The following RIPOR1 variants were observed in gnomAD, a reference collection of about 807,000 sequenced individuals.
RIPOR1 encodes rho family-interacting cell polarization regulator 1.
RIPOR1 carries 58 observed loss-of-function variants against 116.5 expected under a neutral mutation model. The observed-to-expected ratio is 0.50, with a 90% CI of 0.40 to 0.62. The LOEUF (loss-of-function observed/expected upper bound fraction) is 0.62. Among genes scored for constraint, RIPOR1 ranks in the 20% least tolerant of loss-of-function variants. The probability of loss-of-function intolerance (pLI) is 0.00; values close to 1 mark genes in which losing one functional copy is unlikely to be tolerated. For missense variants in RIPOR1, 1,372 were observed against 1,586.2 expected (o/e 0.86, Z 2.29); for synonymous variants, 605 against 650.0 (o/e 0.93, Z 1.05).
In RIPOR1 at chr16:67,544,841, T is replaced by C. The variant is rs2142612589; in HGVS notation, c.2869+11T>C. 1 of 1,590,506 alleles carries C rather than the reference T, an allele frequency of 6.3e-7. No individual in the cohort carries two copies. The highest frequency in any genetic ancestry group is 8.6e-7 in the Non-Finnish European group (1 of 1,164,266). On this transcript the variant is annotated intron_variant, in intron 16 of 21. Coordinates refer to ENST00000042381, the MANE Select transcript of RIPOR1 (RefSeq NM_024519.4). The surrounding 1 kb of genome is among the most constrained non-coding windows in gnomAD (Gnocchi z 5.1). Reference sequence around the variant, plus strand: ...GCTCTGCCCAGGAAGGTAAAGGCCCTGGGGGTTCGGGCTCTGCCATCTGCC... The same window carrying C: ...GCTCTGCCCAGGAAGGTAAAGGCCCCGGGGGTTCGGGCTCTGCCATCTGCC...
chr16:67,533,010 T>G (rs1597624047), intron 1 of RIPOR1, among the ~76,000 whole-genome samples: 1 of 149,976 alleles, frequency 6.7e-6, no homozygotes, highest in Non-Finnish European at 1.5e-5. Context: ...GCTATAGGGG[T>G]AGAGGTGAGG....
rs2051119847 is a variant in RIPOR1 at position 67,544,990 on chromosome 16, G to C, written c.2904G>C (p.Leu968=). 1 of 1,613,078 alleles carries C rather than the reference G, an allele frequency of 6.2e-7. No homozygotes were observed. The highest frequency in any genetic ancestry group is 1.7e-5 in the Admixed American group (1 of 59,998). Residue 968 remains leucine (L), a synonymous_variant, in exon 17 of 22, where the codon CTG becomes CTC. Transcript: ENST00000042381. This position sits in a 1 kb window ranked among gnomAD's most constrained non-coding sequence, Gnocchi z 5.1. The part of the protein sequence containing the change: ...VQFSASRPGF[L]TFWDQCTERL... ...TCTCGGCCTCTCGGCCTGGCTTCCT[G>C]ACCTTCTGGGACCAGTGCACAGAGA...
At position 67,545,304 on chromosome 16, in the gene RIPOR1, G is replaced by A; in HGVS notation, c.3032-72G>A. Reference sequence around the variant, plus strand: ...AGGGGGCCCCTGGACCTGAGCCTGGGATAGGAGCATCTCTCCCCTCTAAAA... The same window carrying A: ...AGGGGGCCCCTGGACCTGAGCCTGGAATAGGAGCATCTCTCCCCTCTAAAA... On this transcript the variant is annotated intron_variant, in intron 17 of 21. Coordinates refer to ENST00000042381, the MANE Select transcript of RIPOR1 (RefSeq NM_024519.4). The surrounding 1 kb of genome is among the most constrained non-coding windows in gnomAD (Gnocchi z 4.8). 1 of 1,569,928 alleles carries A rather than the reference G, an allele frequency of 6.4e-7. No homozygotes were observed. The highest frequency in any genetic ancestry group is 1.2e-5 in the South Asian group (1 of 85,728).
In RIPOR1 at chr16:67,537,372, C is replaced by A; in HGVS notation, c.-23-1052C>A. 8.1e-7 allele frequency: 1 copy of A among 1,229,166 alleles called. No individual in the cohort carries two copies. The allele number at this position is 1,229,166 out of a possible 1,614,324, so 76.1% of individuals were successfully genotyped here. ...CCTCGCCCCCCGTCGGTCCCCTCCC[C>A]GAGGGGAACCCCAGTCACCGGTCCC... On this transcript the variant is annotated intron_variant, in intron 1 of 21. Transcript: ENST00000042381. This position sits in a 1 kb window ranked among gnomAD's most constrained non-coding sequence, Gnocchi z 4.6.
At position 67,538,707 on chromosome 16, in the gene RIPOR1, G is replaced by A. The variant is rs570973377; in HGVS notation, c.140G>A (p.Arg47Gln). 35 of 1,613,316 alleles carry A rather than the reference G, an allele frequency of 2.2e-5. No homozygotes were observed. In the South Asian group the frequency reaches 2.9e-4, roughly 13 times the overall value. ...GTCTTCAGCCCGCCGGGGCCCCCAC[G>A]GAAGCCCCCCGCGCTCTCCCGAGTG... ...FPVFSPPGPP[R>Q]KPPALSRVSR... Residue 47 changes from arginine (R) to glutamine (Q), a missense_variant, in exon 3 of 22, where the codon CGG becomes CAG. Physicochemically the swap from Arg to Gln is conservative, Grantham distance 43. Coordinates refer to ENST00000042381, the MANE Select transcript of RIPOR1 (RefSeq NM_024519.4).
rs779194809 is a variant in RIPOR1 at position 67,540,430 on chromosome 16, C to T, written c.632-28C>T. On this transcript the variant is annotated intron_variant, in intron 8 of 21. Coordinates refer to ENST00000042381, the MANE Select transcript of RIPOR1 (RefSeq NM_024519.4). The surrounding 1 kb of genome is among the most constrained non-coding windows in gnomAD (Gnocchi z 4.7). ...GCTGAAGAACCCCAATATGGCTCAC[C>T]GACTTCTCCCCTTCTCCTCCAACTC... The T allele has an allele frequency of 3.7e-6, 6 of 1,614,038 alleles. No individual in the cohort carries two copies. The highest frequency in any genetic ancestry group is 1.3e-5 in the African/African-American group (1 of 74,920).
Position 67,544,343 on chromosome 16 carries a change from C to T in RIPOR1, c.2645C>T (p.Ser882Leu), listed in dbSNP as rs1251781145. 1.2e-6 allele frequency: 2 copies of T among 1,613,242 alleles called. No homozygotes were observed. Among genetic ancestry groups the T allele is most frequent in the East Asian group, 2.2e-5 (1 of 44,888 alleles). Reference protein sequence around the residue: ...PEAGAEDSIDSPSARPLSTGC... With the variant: ...PEAGAEDSIDLPSARPLSTGC... ...GCTGGGGCTGAGGACAGCATAGACT[C>T]ACCCAGTGCCCGCCCCCTCAGCACG... Residue 882 changes from serine to leucine, a missense_variant, in exon 15 of 22, where the codon TCA becomes TTA. Transcript: ENST00000042381. The surrounding 1 kb of genome is among the most constrained non-coding windows in gnomAD (Gnocchi z 5.1).
In RIPOR1 at chr16:67,523,069, T is replaced by C. The variant is rs920340201; in HGVS notation, c.-24+4456T>C. ...ATTGTCAGTCTCCTTTGGCAGAGTG[T>C]AAACTTGAGAGCAGGGGCCTTGCTG... On this transcript the variant is annotated intron_variant, in intron 1 of 1. Transcript: ENST00000562116. Among the ~76,000 whole-genome samples, 3 of 152,290 alleles carry C rather than the reference T, an allele frequency of 2.0e-5. No individual in the cohort carries two copies. In the East Asian group the frequency reaches 5.8e-4, roughly 29 times the overall value.
rs930412383 is a variant in RIPOR1 at position 67,544,273 on chromosome 16, G to T, written c.2601-26G>T. The T allele has an allele frequency of 2.2e-5, 35 of 1,584,060 alleles. No individual in the cohort carries two copies. The highest frequency in any genetic ancestry group is 1.7e-4 in the Middle Eastern group (1 of 5,928). On this transcript the variant is annotated intron_variant, in intron 14 of 21. Coordinates refer to ENST00000042381, the MANE Select transcript of RIPOR1 (RefSeq NM_024519.4). The surrounding 1 kb of genome is among the most constrained non-coding windows in gnomAD (Gnocchi z 5.1). ...ACCAGGTGGTGATGTGTGCCTGTGG[G>T]GTGGTGGACCCCATTTTTCCCTCAG...
In RIPOR1 at chr16:67,544,889, C is replaced by G; in HGVS notation, c.2869+59C>G. On this transcript the variant is annotated intron_variant, in intron 16 of 21. Transcript: ENST00000042381. The surrounding 1 kb of genome is among the most constrained non-coding windows in gnomAD (Gnocchi z 5.1). ...GCCTTGAAGCTCCTACCTCAGCCTA[C>G]TGCCATCTGCATGCTCTCTACTCAC... 6.3e-7 allele frequency: 1 copy of G among 1,599,904 alleles called. No individual in the cohort carries two copies. Among genetic ancestry groups the G allele is most frequent in the Non-Finnish European group, 8.5e-7 (1 of 1,171,050 alleles).
At position 67,540,905 on chromosome 16, in the gene RIPOR1, G is replaced by A. The variant is rs1311646274; in HGVS notation, c.801+201G>A. 2.0e-5 allele frequency among the ~76,000 whole-genome samples: 3 copies of A among 151,760 alleles called. No individual in the cohort carries two copies. The highest frequency in any genetic ancestry group is 2.9e-5 in the Non-Finnish European group (2 of 67,996). On this transcript the variant is annotated intron_variant, in intron 10 of 21. Transcript: ENST00000042381. This position sits in a 1 kb window ranked among gnomAD's most constrained non-coding sequence, Gnocchi z 4.7. Reference sequence around the variant, plus strand: ...TAGGACATCATGGCTTCCTGACCCTGTGACCTCCTCATGATCTTCTGACCC... The same window carrying A: ...TAGGACATCATGGCTTCCTGACCCTATGACCTCCTCATGATCTTCTGACCC...
chr16:67,539,825 C>T (rs1170959648), intron 5 of RIPOR1, 21 bp from the exon 6 acceptor site: 6 of 1,614,190 alleles, frequency 3.7e-6, no homozygotes, highest in Non-Finnish European at 5.1e-6. Context: ...TCAGGCCCCT[C>T]CTGACCCACC....
rs766968628 is a variant in RIPOR1, at chr16:67,540,399, G to A, written c.631+36G>A. 6.2e-7 allele frequency: 1 copy of A among 1,614,058 alleles called. No individual in the cohort carries two copies. Among genetic ancestry groups the A allele is most frequent in the African/African-American group, 1.3e-5 (1 of 74,920 alleles). ...GTGGGGGCAGGTGGGGGGCTGGAGG[G>A]AGTATGCTGAAGAACCCCAATATGG... On this transcript the variant is annotated intron_variant, in intron 8 of 21. Transcript: ENST00000042381. The surrounding 1 kb of genome is among the most constrained non-coding windows in gnomAD (Gnocchi z 4.7).
chr16:67,523,877 T>C (rs929699695), upstream of RIPOR1, among the ~76,000 whole-genome samples: 6 of 151,992 alleles, frequency 3.9e-5, no homozygotes, highest in African/African-American at 1.4e-4. Context: ...TGGGTTTTAC[T>C]ATATTGCCCA....
upstream of RIPOR1, among the ~76,000 whole-genome samples, chr16:67,524,385 C>A (rs1040356994): frequency 6.6e-6 from 1 of 152,186 alleles, no homozygotes; most frequent in African/African-American, 2.4e-5. Flanking sequence ...TGCCTTTGCC[C>A]CACCATGCAC....
In RIPOR1 at chr16:67,537,877, G is replaced by A. The variant is rs956968237; in HGVS notation, c.-23-547G>A. ...ACGCCCGGGCCGGTGGGGGCTGGGG[G>A]CAGCAGGTCACGCTGGCAGGCGGGG... On this transcript the variant is annotated intron_variant, in intron 1 of 21. Coordinates refer to ENST00000042381, the MANE Select transcript of RIPOR1 (RefSeq NM_024519.4). This position sits in a 1 kb window ranked among gnomAD's most constrained non-coding sequence, Gnocchi z 4.6. Among the ~76,000 whole-genome samples, 9 of 151,620 alleles carry A rather than the reference G, an allele frequency of 5.9e-5. No individual in the cohort carries two copies. The highest frequency in any genetic ancestry group is 2.0e-4 in the East Asian group (1 of 5,086).
intron 1 of RIPOR1, among the ~76,000 whole-genome samples, chr16:67,522,505 T>G (rs2050503990): frequency 6.6e-6 from 1 of 151,504 alleles, no homozygotes; most frequent in Admixed American, 6.6e-5. Context: ...CCTGGCCAAT[T>G]TTTGTATTTT....
In RIPOR1 at chr16:67,544,337, T is replaced by C. The variant is rs1484278245; in HGVS notation, c.2639T>C (p.Ile880Thr). The change falls in exon 15 of 22, where the codon ATA becomes ACA. Residue 880 changes from isoleucine to threonine, a missense_variant. By Grantham distance (89) the Ile-to-Thr change is moderately conservative. This residue lies in a region of RIPOR1 where 1,005 missense variants were observed against 1,144.7 expected (regional missense o/e 0.88). Coordinates refer to ENST00000042381, the MANE Select transcript of RIPOR1 (RefSeq NM_024519.4). The surrounding 1 kb of genome is among the most constrained non-coding windows in gnomAD (Gnocchi z 5.1). ...CCGGAGGCTGGGGCTGAGGACAGCA[T>C]AGACTCACCCAGTGCCCGCCCCCTC... ...SSPEAGAEDS[I>T]DSPSARPLST... The C allele has an allele frequency of 2.5e-6, 4 of 1,613,220 alleles. No homozygotes were observed. The highest frequency in any genetic ancestry group is 3.4e-6 in the Non-Finnish European group (4 of 1,179,688).
In RIPOR1 at chr16:67,541,654, C is replaced by T; in HGVS notation, c.952C>T (p.Pro318Ser). The T allele has an allele frequency of 6.2e-7, 1 of 1,614,062 alleles. No individual in the cohort carries two copies. Among genetic ancestry groups the T allele is most frequent in the Non-Finnish European group, 8.5e-7 (1 of 1,179,970 alleles). ...GCCAACAGCCTCTTCCCTTCCCAGCCCCTTCGACAAGGATGACCAGCCCTC... is the reference window on the plus strand; with the variant it reads ...GCCAACAGCCTCTTCCCTTCCCAGCTCCTTCGACAAGGATGACCAGCCCTC... Reference protein sequence around the residue: ...IKLSLEVTWSPFDKDDQPSAA... With the variant: ...IKLSLEVTWSSFDKDDQPSAA... Residue 318 changes from proline to serine, a missense_variant and splice_region_variant, in exon 12 of 22, where the codon CCC (proline) becomes TCC (serine). Physicochemically the swap from Pro to Ser is moderately conservative, Grantham distance 74. This residue lies in a region of RIPOR1 where 202 missense variants were observed against 295.9 expected (regional missense o/e 0.68). Coordinates refer to ENST00000042381, the MANE Select transcript of RIPOR1 (RefSeq NM_024519.4). This position sits in a 1 kb window ranked among gnomAD's most constrained non-coding sequence, Gnocchi z 4.6.
Sources: allele counts gnomAD v4.1 joint callset (sites outside exome capture counted in the v4.1 genomes callset), GRCh38; gene constraint gnomAD v4.1.1; regional missense constraint gnomAD v4.1.1; non-coding constraint Gnocchi (gnomAD v3.1); transcripts MANE v1.5; gene names NCBI Gene and HGNC (gene_info 2026-07-23, HGNC 2026-07-21).